The following TTBK1 variants were observed in gnomAD, a reference collection of about 807,000 sequenced individuals.
The protein encoded by TTBK1 is tau-tubulin kinase 1.
A neutral mutation model predicts 108.5 loss-of-function variants in TTBK1; 34 were observed. That is an observed-to-expected ratio of 0.31 (90% CI 0.24 to 0.42). The LOEUF is 0.42. Among genes scored for constraint, TTBK1 ranks in the 10% least tolerant of loss-of-function variants. The pLI, the probability that TTBK1 is intolerant of heterozygous loss-of-function variation, is 1.00. For missense variants in TTBK1, 1,539 were observed against 1,826.0 expected (o/e 0.84, Z 2.86); for synonymous variants, 809 against 795.1 (o/e 1.02, Z -0.29).
intron 2 of TTBK1, among the ~76,000 whole-genome samples, chr6:43,248,396 AG>A: frequency 6.6e-6 from 1 of 152,162 alleles, no homozygotes; most frequent in East Asian, 1.9e-4. Context: ...CAGAAGAAAA[AG>A]GGGGTCAGTG....
At chr6:43,256,544 G>T (rs1424951127) in intron 9 of TTBK1, among the ~76,000 whole-genome samples, 1 of 152,058 alleles carries the variant, frequency 6.6e-6, no homozygotes, top group East Asian at 1.9e-4. Flanking sequence ...TTCAAGACCA[G>T]CCTGGCCAGC....
At chr6:43,255,972 C>T (rs1777370501) in intron 9 of TTBK1, 116 bp downstream of exon 9, 3 of 1,337,640 alleles carry the variant, frequency 2.2e-6, no homozygotes, top group Non-Finnish European at 2.1e-6. Flanking sequence ...CAAGCCTCTC[C>T]CCTTGGTCTT....
rs1311218551 is a variant in TTBK1 at position 43,253,249 on chromosome 6, A to G, written c.257-42A>G. The G allele has an allele frequency of 2.5e-6, 4 of 1,605,560 alleles. No homozygotes were observed. The highest frequency in any genetic ancestry group is 1.3e-5 in the African/African-American group (1 of 74,826). On this transcript the variant is annotated intron_variant, in intron 3 of 14. Coordinates refer to ENST00000259750, the MANE Select transcript of TTBK1 (RefSeq NM_032538.3). The surrounding 1 kb of genome is among the most constrained non-coding windows in gnomAD (Gnocchi z 5.8). ...CCCATCTTAGGGTTGGAAATGAGGA[A>G]GAAAGAGTAAGAGCTGGAAGACCTA...
Position 43,282,778 on chromosome 6 carries a change from C to A in TTBK1, c.2038C>A (p.Pro680Thr), listed in dbSNP as rs1388435133. ...GGTGAATGGCCTCCCACGAGCTGTG[C>A]CTCTGAGTCTGCCCTACCAGGACTT... ...FEVNGLPRAVPLSLPYQDFKR... is the reference protein window; with the variant it reads ...FEVNGLPRAVTLSLPYQDFKR... Residue 680 changes from proline (P) to threonine (T), a missense_variant, in exon 14 of 15, where the codon CCT (proline) becomes ACT (threonine). Pro to Thr is a conservative substitution (Grantham distance 38, BLOSUM62 -1). Around this residue, in one of 5 missense-constraint regions of TTBK1, gnomAD observed 1,055 missense variants for 1,086.5 expected, o/e 0.97. Transcript: ENST00000259750. The surrounding 1 kb of genome is among the most constrained non-coding windows in gnomAD (Gnocchi z 5.4). 1.9e-6 allele frequency: 3 copies of A among 1,613,656 alleles called. No homozygotes were observed. The highest frequency in any genetic ancestry group is 3.3e-5 in the Admixed American group (2 of 59,922).
chr6:43,287,034 GGA>G lies in TTBK1; in HGVS notation c.*1662_*1663del, dbSNP rs1045382251. 2 of 152,698 alleles carry G rather than the reference GGA, an allele frequency of 1.3e-5. No homozygotes were observed. Among genetic ancestry groups the G allele is most frequent in the African/African-American group, 4.8e-5 (2 of 41,464 alleles). 9.5% of individuals were successfully genotyped at this position (152,698 alleles called of 1,614,324 possible). A position where few individuals can be genotyped will look rare whatever the true frequency, so the allele number is the denominator to read the frequency against. On this transcript the variant is annotated 3_prime_UTR_variant, in exon 15 of 15. Transcript: ENST00000259750. The surrounding 1 kb of genome is among the most constrained non-coding windows in gnomAD (Gnocchi z 4.1). ...ACCCTGAAAGCAGCCTCCCCCTCAT[GGA>G]GAGTCAGCAGCTTGGGCAGCCACTT...
In TTBK1 at chr6:43,257,473, AC is replaced by A. The variant is rs971123541; in HGVS notation, c.862-335del. Among the ~76,000 whole-genome samples, 3 of 151,966 alleles carry A rather than the reference AC, an allele frequency of 2.0e-5. No individual in the cohort carries two copies. Among genetic ancestry groups the A allele is most frequent in the Non-Finnish European group, 1.5e-5 (1 of 67,992 alleles). ...GAGGGGCAGTCTGTGCAGAGGCAGC[AC>A]CCCATGCATGGGTTTGGAAACTCCC... On this transcript the variant is annotated intron_variant, in intron 9 of 14. Transcript: ENST00000259750. The surrounding 1 kb of genome is among the most constrained non-coding windows in gnomAD (Gnocchi z 4.5).
At chr6:43,261,679 G>A (rs751004459) in intron 12 of TTBK1, among the ~76,000 whole-genome samples, 13 of 152,176 alleles carry the variant, frequency 8.5e-5, no homozygotes, top group Non-Finnish European at 1.9e-4. Context: ...GGGAGGCGTG[G>A]TGGTGTGCAC....
intron 13 of TTBK1, among the ~76,000 whole-genome samples, chr6:43,267,185 G>A (rs2150699768): frequency 6.6e-6 from 1 of 152,282 alleles, no homozygotes; most frequent in East Asian, 1.9e-4. Flanking sequence ...CTTCAGGACA[G>A]CGGGGTGAAG....
Position 43,283,806 on chromosome 6 carries a change from C to T in TTBK1, c.3066C>T (p.Asp1022=), listed in dbSNP as rs138255139. 9 of 1,600,696 alleles carry T rather than the reference C, an allele frequency of 5.6e-6. No individual in the cohort carries two copies. The highest frequency in any genetic ancestry group is 1.1e-5 in the South Asian group (1 of 90,854). Residue 1022 remains aspartate (D), a synonymous_variant, in exon 14 of 15, where the codon GAC becomes GAT. Coordinates refer to ENST00000259750, the MANE Select transcript of TTBK1 (RefSeq NM_032538.3). The surrounding 1 kb of genome is among the most constrained non-coding windows in gnomAD (Gnocchi z 8.1). The stretch of plus-strand genomic sequence containing the variant: ...TGCCCAATGGCCCGGCCCTTGCAGA[C>T]GGGCCAGCCCCGGTGTCCCCGCTGG... The part of the protein sequence containing the change: ...NSLPNGPALA[D]GPAPVSPLEP...
At chr6:43,272,287 G>T (rs1184194686) in intron 13 of TTBK1, 22 of 985,358 alleles carry the variant, frequency 2.2e-5, no homozygotes, top group Non-Finnish European at 2.7e-5. Context: ...TCAACCCTGA[G>T]CACAGCTCCA....
rs1562105678 is a variant in TTBK1 at position 43,286,965 on chromosome 6, G to A, written c.*1589G>A. 6.6e-6 allele frequency: 1 copy of A among 152,648 alleles called. No individual in the cohort carries two copies. The highest frequency in any genetic ancestry group is 1.5e-5 in the Non-Finnish European group (1 of 68,102). The allele number at this position is 152,648 out of a possible 1,614,324, so 9.5% of individuals were successfully genotyped here. A position where few individuals can be genotyped will look rare whatever the true frequency, so the allele number is the denominator to read the frequency against. Reference sequence around the variant, plus strand: ...CTTAGTGTGCCCCAGCAGTCTGGCTGCGTCCAGCCACCATCACCCGGAAGG... The same window carrying A: ...CTTAGTGTGCCCCAGCAGTCTGGCTACGTCCAGCCACCATCACCCGGAAGG... On this transcript the variant is annotated 3_prime_UTR_variant, in exon 15 of 15. Transcript: ENST00000259750. This position sits in a 1 kb window ranked among gnomAD's most constrained non-coding sequence, Gnocchi z 4.6.
At position 43,269,791 on chromosome 6, in the gene TTBK1, T is replaced by A; in HGVS notation, c.1986+6441T>A. The stretch of plus-strand genomic sequence containing the variant: ...GGCTCCTCGGGCTCCTCCGGTTCCC[T>A]CATTCAGCGCAGCCGCTCGGCTGAG... On this transcript the variant is annotated intron_variant, in intron 13 of 14. Coordinates refer to ENST00000259750, the MANE Select transcript of TTBK1 (RefSeq NM_032538.3). This position sits in a 1 kb window ranked among gnomAD's most constrained non-coding sequence, Gnocchi z 4.8. 1 of 1,568,444 alleles carries A rather than the reference T, an allele frequency of 6.4e-7. No homozygotes were observed. The highest frequency in any genetic ancestry group is 8.6e-7 in the Non-Finnish European group (1 of 1,162,686).
intron 13 of TTBK1, chr6:43,271,992 G>A (rs1275806923): frequency 1.2e-5 from 12 of 985,132 alleles, no homozygotes; most frequent in African/African-American, 1.8e-5. Context: ...GAGGGTCAAG[G>A]TGGACCCTTT....
At position 43,282,820 on chromosome 6, in the gene TTBK1, G is replaced by C. The variant is rs114539464; in HGVS notation, c.2080G>C (p.Asp694His). 1.2e-6 allele frequency: 2 copies of C among 1,614,024 alleles called. No homozygotes were observed. Among genetic ancestry groups the C allele is most frequent in the Non-Finnish European group, 1.7e-6 (2 of 1,179,996 alleles). ...PYQDFKRDLS[D>H]YRERARLLNR... is the part of the protein sequence containing the mutation. ...CCAGGACTTCAAAAGAGACCTCTCC[G>C]ATTACCGAGAACGGGCGCGGTTGCT... The change falls in exon 14 of 15, where the codon GAT (aspartate) becomes CAT (histidine). Residue 694 changes from aspartate to histidine, a missense_variant. By Grantham distance (81) the Asp-to-His change is moderately conservative (BLOSUM62 -1). Coordinates refer to ENST00000259750, the MANE Select transcript of TTBK1 (RefSeq NM_032538.3). This position sits in a 1 kb window ranked among gnomAD's most constrained non-coding sequence, Gnocchi z 5.4.
intron 13 of TTBK1, among the ~76,000 whole-genome samples, chr6:43,281,947 TG>T (rs1249128467): frequency 3.3e-5 from 5 of 152,168 alleles, no homozygotes; most frequent in African/African-American, 1.2e-4. Context: ...AAGGGGGACA[TG>T]GCAAGAGTCT....
chr6:43,252,890 C>A lies in TTBK1; in HGVS notation c.256+4C>A. 6.2e-7 allele frequency: 1 copy of A among 1,612,920 alleles called. No homozygotes were observed. The highest frequency in any genetic ancestry group is 1.1e-5 in the South Asian group (1 of 91,042). ...GCCGTGCTCAAGAAGTTGCAAGGTT[C>A]GGGCCTCGGGCAGGGGGATGGGAAG... On this transcript the variant is annotated splice_donor_region_variant and intron_variant, in intron 3 of 14. Transcript: ENST00000259750.
intron 2 of TTBK1, among the ~76,000 whole-genome samples, chr6:43,249,320 T>G (rs933604770): frequency 6.6e-6 from 1 of 152,030 alleles, no homozygotes; most frequent in African/African-American, 2.4e-5. Context: ...TCTCCTCTAG[T>G]TTAGGGAGGT....
At position 43,253,527 on chromosome 6, in the gene TTBK1, G is replaced by A. The variant is rs574019220; in HGVS notation, c.331-41G>A. ...TCACAATGATGGTGTCTGGGATGAT[G>A]GCTGAGGGTGAGTCTACCCCCCACC... On this transcript the variant is annotated intron_variant, in intron 4 of 14. Coordinates refer to ENST00000259750, the MANE Select transcript of TTBK1 (RefSeq NM_032538.3). The surrounding 1 kb of genome is among the most constrained non-coding windows in gnomAD (Gnocchi z 5.8). The A allele has an allele frequency of 2.5e-6, 4 of 1,587,760 alleles. No homozygotes were observed. The African/African-American group carries it at 4.0e-5, about 16-fold the overall frequency.
intron 5 of TTBK1, 40 bp from the exon 6 acceptor site, chr6:43,254,507 G>A: frequency 6.7e-7 from 1 of 1,485,290 alleles, no homozygotes; most frequent in African/African-American, 1.4e-5. Flanking sequence ...GCCCAGCTGG[G>A]GTTGGGGCCC....
Sources: gnomAD v4.1 joint callset for allele counts (sites outside exome capture counted in the v4.1 genomes callset) on GRCh38, gnomAD v4.1.1 for gene constraint, gnomAD v4.1.1 regional missense constraint, Gnocchi (gnomAD v3.1) non-coding constraint, MANE v1.5 for transcripts, NCBI Gene and HGNC (gene_info 2026-07-23, HGNC 2026-07-21) for gene names.